Variants in GTF3C1 observed in about 807,000 individuals in gnomAD.
The protein encoded by GTF3C1 is general transcription factor IIIC subunit 1, also known as general transcription factor 3C polypeptide 1.
A neutral mutation model predicts 226.7 loss-of-function variants in GTF3C1; 57 were observed. The ratio of observed to expected loss-of-function variants is 0.25; its 90% CI spans 0.20 to 0.31. The LOEUF (loss-of-function observed/expected upper bound fraction) is 0.31. Among genes scored for constraint, GTF3C1 ranks in the 10% least tolerant of loss-of-function variants. The pLI is 1.00. For missense variants in GTF3C1, 2,217 were observed against 2,776.1 expected, an observed-to-expected ratio of 0.80 and a Z score of 4.53; for synonymous variants, 1,090 against 1,084.8, an observed-to-expected ratio of 1.00 and a Z score of -0.09.
At chr16:27,540,560 T>C (rs1460332448) in intron 2 of GTF3C1, among the ~76,000 whole-genome samples, 1 of 152,248 alleles carries the variant, frequency 6.6e-6, no homozygotes, top group Non-Finnish European at 1.5e-5. Flanking sequence ...TTGCTGACTA[T>C]GGTCATCTTA....
In GTF3C1 at chr16:27,471,574, A is replaced by G; in HGVS notation, c.4526+174T>C. 1.7e-6 allele frequency: 1 copy of G among 593,666 alleles called. No homozygotes were observed. Among genetic ancestry groups the G allele is most frequent in the Admixed American group, 2.9e-5 (1 of 33,978 alleles). 36.8% of individuals were successfully genotyped at this position (593,666 alleles called of 1,614,324 possible). A position where few individuals can be genotyped will look rare whatever the true frequency, so the allele number is the denominator to read the frequency against. Reference sequence around the variant, plus strand: ...AGCTGCCAGCGCTCACCTGATCCCCATACCACGAAGGAGGTAAGGGGCTGC... The same window carrying G: ...AGCTGCCAGCGCTCACCTGATCCCCGTACCACGAAGGAGGTAAGGGGCTGC... On this transcript the variant is annotated intron_variant, in intron 30 of 36. Transcript: ENST00000356183. This position sits in a 1 kb window ranked among gnomAD's most constrained non-coding sequence, Gnocchi z 5.0.
chr16:27,547,394 A>C (rs1263590598), intron 1 of GTF3C1, among the ~76,000 whole-genome samples: 1 of 152,142 alleles, frequency 6.6e-6, no homozygotes, highest in African/African-American at 2.4e-5. Flanking sequence ...CCTGAAGCTA[A>C]ATGTGTCACA....
intron 6 of GTF3C1, among the ~76,000 whole-genome samples, chr16:27,517,369 G>T (rs2141420646): frequency 6.6e-6 from 1 of 152,310 alleles, no homozygotes; most frequent in East Asian, 1.9e-4. Flanking sequence ...CACAGGGGCA[G>T]AGCAAGACCC....
rs1355917958 is a variant in GTF3C1, at chr16:27,464,502, A to T, written c.5690T>A (p.Leu1897His). 46 of 1,527,764 alleles carry T rather than the reference A, an allele frequency of 3.0e-5. No homozygotes were observed. The highest frequency in any genetic ancestry group is 3.9e-5 in the Non-Finnish European group (44 of 1,140,412). 94.6% of individuals were successfully genotyped at this position (1,527,764 alleles called of 1,614,324 possible). A position where few individuals can be genotyped will look rare whatever the true frequency, so the allele number is the denominator to read the frequency against. ...ALQDSNLAPSLGPGAEDGAEA... is the reference protein window; with the variant it reads ...ALQDSNLAPSHGPGAEDGAEA... ...TGCCCCATCTTCAGCTCCGGGCCCA[A>T]GGCTGGGGGCCAAATTTGAGTCCTG... Residue 1897 changes from leucine (L) to histidine (H), a missense_variant, in exon 34 of 37, where the codon CTT (leucine) becomes CAT (histidine). This residue lies in a region of GTF3C1 where 455 missense variants were observed against 441.9 expected (regional missense o/e 1.03). Coordinates refer to ENST00000356183, the MANE Select transcript of GTF3C1 (RefSeq NM_001520.4).
Position 27,462,795 on chromosome 16 carries a change from C to A in GTF3C1, c.5925-309G>T. The stretch of plus-strand genomic sequence containing the variant: ...GTGACTCCTGGACTTGCCAGCTCTA[C>A]TGGCAGCCCAGGCAGAAACCACCTC... On this transcript the variant is annotated intron_variant, in intron 35 of 36. Transcript: ENST00000356183. This position sits in a 1 kb window ranked among gnomAD's most constrained non-coding sequence, Gnocchi z 4.5. 2.8e-6 allele frequency: 1 copy of A among 357,196 alleles called. No homozygotes were observed. The highest frequency in any genetic ancestry group is 5.2e-6 in the Non-Finnish European group (1 of 192,544). 22.1% of individuals were successfully genotyped at this position (357,196 alleles called of 1,614,324 possible). A position where few individuals can be genotyped will look rare whatever the true frequency, so the allele number is the denominator to read the frequency against.
intron 1 of GTF3C1, among the ~76,000 whole-genome samples, chr16:27,546,959 G>GTT (rs2089173840): frequency 6.6e-6 from 1 of 151,862 alleles, no homozygotes; most frequent in South Asian, 2.1e-4. Context: ...TAGAGAGAGG[G>GTT]TTTCACGATG....
chr16:27,518,084 G>A (rs555330737), intron 6 of GTF3C1, among the ~76,000 whole-genome samples: 5 of 152,236 alleles, frequency 3.3e-5, no homozygotes, highest in Admixed American at 2.6e-4. Flanking sequence ...CGAACCCCAC[G>A]GCAGCTTTCC....
At chr16:27,491,985 A>G (rs2088239564) in intron 19 of GTF3C1, among the ~76,000 whole-genome samples, 1 of 152,072 alleles carries the variant, frequency 6.6e-6, no homozygotes, top group Admixed American at 6.5e-5. Flanking sequence ...TCCTCTTCAC[A>G]CTAGATTTTG....
Position 27,463,318 on chromosome 16 carries a change from C to CGCA in GTF3C1, c.5924+220_5924+222dup, listed in dbSNP as rs1336480966. 3.5e-6 allele frequency: 2 copies of CGCA among 577,810 alleles called. No individual in the cohort carries two copies. Among genetic ancestry groups the CGCA allele is most frequent in the African/African-American group, 3.8e-5 (2 of 52,786 alleles). 35.8% of individuals were successfully genotyped at this position (577,810 alleles called of 1,614,324 possible). ...ACCAGCGCCCTGGGCATTCTGGAAG[C>CGCA]GCAGCCCTCATTCCAGGCCGACCTG... On this transcript the variant is annotated intron_variant, in intron 35 of 36. Transcript: ENST00000356183. The surrounding 1 kb of genome is among the most constrained non-coding windows in gnomAD (Gnocchi z 4.9).
intron 5 of GTF3C1, among the ~76,000 whole-genome samples, chr16:27,529,200 T>C (rs919971237): frequency 2.0e-5 from 3 of 152,228 alleles, no homozygotes; most frequent in African/African-American, 2.4e-5. Context: ...TCCCAGCACT[T>C]TGGGAGGCCG....
intron 20 of GTF3C1, 114 bp downstream of exon 20, chr16:27,489,488 G>A (rs982139122): frequency 3.3e-5 from 26 of 778,748 alleles, no homozygotes; most frequent in African/African-American, 6.9e-5. Flanking sequence ...CCTCTGCACC[G>A]GAGACACAGG....
Position 27,491,815 on chromosome 16 carries a change from GC to G in GTF3C1, c.3151+522del, listed in dbSNP as rs377130502. On this transcript the variant is annotated intron_variant, in intron 19 of 36. Coordinates refer to ENST00000356183, the MANE Select transcript of GTF3C1 (RefSeq NM_001520.4). ...GGCTTCAGCCTGTGTCACTGCCCCT[GC>G]CTGGGATGCCCTCCCCAGCTCTGGC... 1.7e-4 allele frequency among the ~76,000 whole-genome samples: 26 copies of G among 152,290 alleles called. No individual in the cohort carries two copies. The South Asian group carries it at 5.0e-3, about 29-fold the overall frequency.
intron 9 of GTF3C1, 72 bp from the exon 10 acceptor site, chr16:27,506,188 C>T: frequency 1.3e-6 from 1 of 785,482 alleles, no homozygotes; most frequent in South Asian, 1.6e-5. Flanking sequence ...GCAATCAGAC[C>T]AGACCCACAC....
chr16:27,506,668 G>T (rs949193375), intron 9 of GTF3C1, among the ~76,000 whole-genome samples, 179 bp downstream of exon 9: 3 of 152,156 alleles, frequency 2.0e-5, no homozygotes, highest in Admixed American at 2.0e-4. Flanking sequence ...GCAGCCAGGA[G>T]ATACCACAGG....
chr16:27,532,784 G>A (rs568472885), intron 5 of GTF3C1, among the ~76,000 whole-genome samples: 1 of 152,272 alleles, frequency 6.6e-6, no homozygotes, highest in African/African-American at 2.4e-5. Flanking sequence ...GAACTCCAGG[G>A]GAGAAATGGA....
At chr16:27,530,584 C>G (rs565438157) in intron 5 of GTF3C1, among the ~76,000 whole-genome samples, 1 of 152,332 alleles carries the variant, frequency 6.6e-6, no homozygotes, top group South Asian at 2.1e-4. Flanking sequence ...GCTCAGCTCT[C>G]TGTGACCCCA....
intron 6 of GTF3C1, among the ~76,000 whole-genome samples, chr16:27,522,342 G>C (rs190406664): frequency 6.6e-6 from 1 of 152,306 alleles, no homozygotes; most frequent in African/African-American, 2.4e-5. Flanking sequence ...GAACCATACA[G>C]TCATGGCCTT....
intron 33 of GTF3C1, 53 bp downstream of exon 33, chr16:27,465,207 G>A: frequency 6.5e-7 from 1 of 1,549,316 alleles, no homozygotes; most frequent in South Asian, 1.1e-5. Context: ...ACCTGGCCTG[G>A]GAGCTGCAAT....
In GTF3C1 at chr16:27,484,216, G is replaced by T. The variant is rs768740876; in HGVS notation, c.3996C>A (p.Asn1332Lys). 1 of 1,604,610 alleles carries T rather than the reference G, an allele frequency of 6.2e-7. No homozygotes were observed. Among genetic ancestry groups the T allele is most frequent in the Non-Finnish European group, 8.5e-7 (1 of 1,171,358 alleles). The change falls in exon 25 of 37, where the codon AAC (asparagine) becomes AAA (lysine). Residue 1332 changes from asparagine (N) to lysine (K), a missense_variant. By Grantham distance (94) the Asn-to-Lys change is moderately conservative. Coordinates refer to ENST00000356183, the MANE Select transcript of GTF3C1 (RefSeq NM_001520.4). ...GGGGCTTCAATGAGGCTTACTTATAGTTGAGATAGGCCTGTGGGTTTTTGA... is the reference window on the plus strand; with the variant it reads ...GGGGCTTCAATGAGGCTTACTTATATTTGAGATAGGCCTGTGGGTTTTTGA... ...YIVKNPQAYL[N>K]YKVCLAEVYQ...
Sources: allele counts gnomAD v4.1 joint callset (sites outside exome capture counted in the v4.1 genomes callset), GRCh38; gene constraint gnomAD v4.1.1; regional missense constraint gnomAD v4.1.1; non-coding constraint Gnocchi (gnomAD v3.1); transcripts MANE v1.5; gene names NCBI Gene and HGNC (gene_info 2026-07-23, HGNC 2026-07-21).